Variants in CNBD1 observed in about 807,000 individuals in gnomAD.
CNBD1 encodes cyclic nucleotide-binding domain-containing protein 1.
In CNBD1, 71 loss-of-function variants were observed where a neutral mutation model predicts 54.4. That is an observed-to-expected ratio of 1.30 (90% CI 1.08 to 1.59). The LOEUF (loss-of-function observed/expected upper bound fraction) is 1.59. CNBD1 is among the 40% of genes most tolerant of loss of function. The pLI, the probability that CNBD1 is intolerant of heterozygous loss-of-function variation, is 0.00. For synonymous variants in CNBD1, 182 were observed against 170.7 expected, an observed-to-expected ratio of 1.07 and a Z score of -0.51; for missense variants, 659 against 518.0, an observed-to-expected ratio of 1.27 and a Z score of -2.64.
chr8:87,083,490 C>G (rs1405231158), intron 4 of CNBD1, among the ~76,000 whole-genome samples: 1 of 151,942 alleles, frequency 6.6e-6, no homozygotes, highest in African/African-American at 2.4e-5. Flanking sequence ...ACAAACTCAA[C>G]CAACTGTCAA....
At chr8:86,905,023 T>G (rs1808995108) in intron 2 of CNBD1, 58 bp from the exon 3 acceptor site, 13 of 999,432 alleles carry the variant, frequency 1.3e-5, no homozygotes, top group Non-Finnish European at 1.8e-5. Context: ...TAAAAATCTT[T>G]CTCTTGGAAG....
intron 1 of CNBD1, among the ~76,000 whole-genome samples, chr8:86,873,839 A>T: frequency 6.6e-6 from 1 of 152,194 alleles, no homozygotes; most frequent in East Asian, 1.9e-4. Flanking sequence ...CAGATGTTGG[A>T]AGTTCAGATT....
chr8:87,356,737 G>T (rs867572109), intron 10 of CNBD1, among the ~76,000 whole-genome samples: 4 of 152,172 alleles, frequency 2.6e-5, no homozygotes, highest in African/African-American at 9.6e-5. Context: ...AAATTTAAAT[G>T]CACTGTGGAG....
chr8:86,976,126 G>T (rs1053043870), intron 4 of CNBD1, among the ~76,000 whole-genome samples: 1 of 146,624 alleles, frequency 6.8e-6, no homozygotes, highest in Non-Finnish European at 1.5e-5. Flanking sequence ...TTGAATATTA[G>T]CACCTTACCT....
chr8:86,930,549 T>G (rs1809440286), intron 3 of CNBD1, among the ~76,000 whole-genome samples: 2 of 152,120 alleles, frequency 1.3e-5, no homozygotes, highest in Non-Finnish European at 1.5e-5. Flanking sequence ...TGTGGGATCC[T>G]CAAAGGCAAA....
chr8:87,055,356 C>T (rs1810391280), intron 4 of CNBD1, among the ~76,000 whole-genome samples: 2 of 152,172 alleles, frequency 1.3e-5, no homozygotes, highest in South Asian at 4.1e-4. Context: ...CCTATCTATG[C>T]AACTGTGGGA....
At chr8:87,056,981 T>A (rs118036851) in intron 4 of CNBD1, among the ~76,000 whole-genome samples, 1 of 152,352 alleles carries the variant, frequency 6.6e-6, no homozygotes, top group Non-Finnish European at 1.5e-5. Flanking sequence ...GGATGGAACC[T>A]GTGATTTGCT....
chr8:87,023,331 T>C (rs895880916), intron 4 of CNBD1, among the ~76,000 whole-genome samples: 7 of 152,314 alleles, frequency 4.6e-5, no homozygotes, highest in Admixed American at 1.3e-4. Context: ...CATTAAAATA[T>C]ACCTTTAAAT....
intron 10 of CNBD1, among the ~76,000 whole-genome samples, chr8:87,379,583 A>G (rs956316483): frequency 2.0e-5 from 3 of 152,032 alleles, no homozygotes; most frequent in African/African-American, 7.2e-5. Flanking sequence ...CTTGATGACT[A>G]GAGAACTGCA....
At chr8:87,265,376 C>A (rs979304930) in intron 6 of CNBD1, among the ~76,000 whole-genome samples, 2 of 152,074 alleles carry the variant, frequency 1.3e-5, no homozygotes, top group Non-Finnish European at 2.9e-5. Context: ...GTTTTGGTAC[C>A]AGTACCATGC....
chr8:87,199,313 A>G (rs1813799176), intron 4 of CNBD1, among the ~76,000 whole-genome samples: 1 of 152,210 alleles, frequency 6.6e-6, no homozygotes, highest in Non-Finnish European at 1.5e-5. Flanking sequence ...ACAAAAAACT[A>G]CTAGTGGAGT....
intron 4 of CNBD1, among the ~76,000 whole-genome samples, chr8:87,186,563 A>C (rs1018416235): frequency 6.6e-6 from 1 of 152,176 alleles, no homozygotes; most frequent in African/African-American, 2.4e-5. Flanking sequence ...TTCTAAAGAC[A>C]GTTGTATACA....
chr8:87,344,316 A>G (rs1810126391), intron 8 of CNBD1, among the ~76,000 whole-genome samples: 1 of 152,082 alleles, frequency 6.6e-6, no homozygotes, highest in African/African-American at 2.4e-5. Flanking sequence ...ATAATCAAAA[A>G]TACTATTACA....
At chr8:87,259,942 C>A (rs941512674) in intron 6 of CNBD1, among the ~76,000 whole-genome samples, 1 of 152,126 alleles carries the variant, frequency 6.6e-6, no homozygotes, top group South Asian at 2.1e-4. Context: ...CGAAAGGTAA[C>A]CTTCCAGGTG....
Position 87,325,902 on chromosome 8 carries a change from T to C in CNBD1, c.1043-25783T>C, listed in dbSNP as rs1378413833. ...TGATGCAGTTTCTTCCTAGTCTCGATGGTCTTTACATTTTGGCATGATTTT... is the reference window on the plus strand; with the variant it reads ...TGATGCAGTTTCTTCCTAGTCTCGACGGTCTTTACATTTTGGCATGATTTT... On this transcript the variant is annotated intron_variant, in intron 8 of 10. Transcript: ENST00000518476. 1.5e-5 allele frequency among the ~76,000 whole-genome samples: 2 copies of C among 129,340 alleles called. 1 individual carries two copies. The highest frequency in any genetic ancestry group is 3.4e-5 in the Non-Finnish European group (2 of 58,050). The allele number at this position is 129,340 out of a possible 152,430, so 84.9% of individuals were successfully genotyped here.
At chr8:87,390,527 A>C (rs1811286104) in intron 2 of CNBD1, among the ~76,000 whole-genome samples, 1 of 152,238 alleles carries the variant, frequency 6.6e-6, no homozygotes, top group Admixed American at 6.5e-5. Context: ...AATGCAAATC[A>C]AAACCATAGT....
intron 4 of CNBD1, among the ~76,000 whole-genome samples, chr8:87,160,870 T>C (rs865814634): frequency 6.6e-6 from 1 of 152,162 alleles, no homozygotes; most frequent in Admixed American, 6.6e-5. Context: ...TGATTGGCTA[T>C]GTAAAGGTGA....
chr8:87,374,550 G>T (rs755829893), intron 10 of CNBD1, among the ~76,000 whole-genome samples: 4 of 146,234 alleles, frequency 2.7e-5, no homozygotes, highest in Non-Finnish European at 5.9e-5. Flanking sequence ...GAAGAGATTA[G>T]TTAGAGACTG....
At chr8:87,426,745 C>T (rs1490781048) in intron 2 of CNBD1, among the ~76,000 whole-genome samples, 4 of 152,112 alleles carry the variant, frequency 2.6e-5, no homozygotes, top group Non-Finnish European at 5.9e-5. Flanking sequence ...TGGCACCTAG[C>T]ACTTAGTGTG....
Sources: allele counts gnomAD v4.1 joint callset (sites outside exome capture counted in the v4.1 genomes callset), GRCh38; gene constraint gnomAD v4.1.1; transcripts MANE v1.5; gene names NCBI Gene and HGNC (gene_info 2026-07-23, HGNC 2026-07-21).